Variants in PKHD1 observed in about 807,000 individuals in gnomAD.
PKHD1 encodes fibrocystin.
Under a neutral mutation model 412.0 loss-of-function variants are expected in PKHD1, and 291 were observed. The ratio of observed to expected loss-of-function variants is 0.71; its 90% CI spans 0.64 to 0.78. The LOEUF is 0.78. PKHD1 is among the 30% of genes least tolerant of loss of function. The probability of loss-of-function intolerance (pLI) is 0.00; values close to 1 mark genes in which losing one functional copy is unlikely to be tolerated. For missense variants in PKHD1, 4,825 were observed against 4,950.7 expected (o/e 0.97, Z 0.76); for synonymous variants, 1,777 against 1,821.5 (o/e 0.98, Z 0.62).
At chr6:51,827,313 T>C (rs749079124) in intron 52 of PKHD1, among the ~76,000 whole-genome samples, 5 of 152,140 alleles carry the variant, frequency 3.3e-5, no homozygotes, top group Non-Finnish European at 7.4e-5. Context: ...ATCACAGCTT[T>C]CATCTGTAAT....
chr6:52,082,288 C>T (rs1812154904), intron 4 of PKHD1, 104 bp downstream of exon 4: 1 of 1,128,974 alleles, frequency 8.9e-7, no homozygotes, highest in Non-Finnish European at 1.3e-6. Context: ...CTATGGCTGG[C>T]AATTGAATCA....
At chr6:52,066,575 A>G (rs764396995) in intron 11 of PKHD1, among the ~76,000 whole-genome samples, 19 of 152,188 alleles carry the variant, frequency 1.2e-4, no homozygotes, top group Non-Finnish European at 2.6e-4. Flanking sequence ...CTCACACCTC[A>G]TACCCAGTTC....
chr6:52,046,035 G>C lies in PKHD1; in HGVS notation c.2561C>G (p.Thr854Ser). Residue 854 changes from threonine (T) to serine (S), a missense_variant, in exon 24 of 67, where the codon ACT (threonine) becomes AGT (serine). By Grantham distance (58) the Thr-to-Ser change is moderately conservative. Coordinates refer to ENST00000371117, the MANE Select transcript of PKHD1 (RefSeq NM_138694.4). ...YEHVWTLSWS[T>S]QIGDLPNFIR... ...AAAATTGGGCAAATCCCCAATCTGA[G>C]TGGACCAGGACAAGGTCCACACGTG... is the stretch of plus-strand genomic sequence containing the variant. The C allele has an allele frequency of 6.2e-7, 1 of 1,613,588 alleles. No homozygotes were observed. Among genetic ancestry groups the C allele is most frequent in the Non-Finnish European group, 8.5e-7 (1 of 1,179,704 alleles).
chr6:52,023,510 C>A (rs1440868474), intron 32 of PKHD1, among the ~76,000 whole-genome samples: 2 of 152,006 alleles, frequency 1.3e-5, no homozygotes, highest in Non-Finnish European at 2.9e-5. Flanking sequence ...GACAATTTTC[C>A]TATTTATTGA....
At position 51,627,052 on chromosome 6, in the gene PKHD1, T is replaced by A; in HGVS notation, c.11730A>T (p.Ser3910=). The A allele has an allele frequency of 6.2e-7, 1 of 1,605,420 alleles. No individual in the cohort carries two copies. The highest frequency in any genetic ancestry group is 8.5e-7 in the Non-Finnish European group (1 of 1,172,342). ...GCCCTTGTGATTCTCGGCGTTTGGA[T>A]GAGATGTGGATATGAATATTTTGAT... is the stretch of plus-strand genomic sequence containing the variant. ...TNNQNIHIHI[S]SKRRESQGPK... Residue 3910 remains serine, a synonymous_variant, in exon 66 of 67, where the codon TCA becomes TCT. Coordinates refer to ENST00000371117, the MANE Select transcript of PKHD1 (RefSeq NM_138694.4).
chr6:51,822,430 T>C (rs1287267987), intron 52 of PKHD1, among the ~76,000 whole-genome samples: 1 of 152,202 alleles, frequency 6.6e-6, no homozygotes, highest in Admixed American at 6.6e-5. Flanking sequence ...TGCCTTCTGC[T>C]GTCCTGGTTC....
At chr6:51,906,159 T>C (rs1199649137) in intron 41 of PKHD1, 56 bp downstream of exon 41, 15 of 1,502,282 alleles carry the variant, frequency 1.0e-5, no homozygotes, top group African/African-American at 1.4e-5. Flanking sequence ...GAATTCATTG[T>C]GAAAAACTGT....
At chr6:51,956,891 C>T (rs901933466) in intron 36 of PKHD1, among the ~76,000 whole-genome samples, 1 of 151,998 alleles carries the variant, frequency 6.6e-6, no homozygotes, top group Non-Finnish European at 1.5e-5. Context: ...ACAAGGGGAT[C>T]AGAGGTTAAA....
intron 60 of PKHD1, among the ~76,000 whole-genome samples, chr6:51,673,240 T>A (rs1003727661): frequency 6.6e-6 from 1 of 152,154 alleles, no homozygotes; most frequent in Admixed American, 6.5e-5. Context: ...AATTCCCCAA[T>A]TTTTGCCTCA....
chr6:51,746,990 AAGTT>A (rs1477590232), intron 58 of PKHD1, 101 bp from the exon 59 acceptor site: 1 of 731,926 alleles, frequency 1.4e-6, no homozygotes, highest in Non-Finnish European at 2.2e-6. Flanking sequence ...TGTATACCCT[AAGTT>A]AGTTAAAGCT....
chr6:51,735,364 G>T (rs1378218164), intron 60 of PKHD1, among the ~76,000 whole-genome samples: 1 of 152,162 alleles, frequency 6.6e-6, no homozygotes, highest in Non-Finnish European at 1.5e-5. Flanking sequence ...TGTTAAGGTT[G>T]TTGTAAGGAT....
chr6:51,847,269 T>TC (rs958686803), intron 50 of PKHD1, among the ~76,000 whole-genome samples: 2 of 150,282 alleles, frequency 1.3e-5, no homozygotes, highest in Admixed American at 6.6e-5. Flanking sequence ...CATTTTTTTT[T>TC]TTTTTTTTTT....
intron 35 of PKHD1, among the ~76,000 whole-genome samples, chr6:51,994,738 T>C (rs1476087606): frequency 1.3e-5 from 2 of 152,136 alleles, no homozygotes; most frequent in Non-Finnish European, 2.9e-5. Context: ...CACGCCACTA[T>C]GCCCAGCTAC....
Position 52,087,429 on chromosome 6 carries a change from A to G in PKHD1, c.-85+5T>C, listed in dbSNP as rs949439162. ...GAGCAGAGACTTTTCTGGATCAAACAGTACCTTTTTTTTCTGTTTCTGTCT... is the reference window on the plus strand; with the variant it reads ...GAGCAGAGACTTTTCTGGATCAAACGGTACCTTTTTTTTCTGTTTCTGTCT... On this transcript the variant is annotated splice_donor_5th_base_variant and intron_variant, in intron 1 of 66. Transcript: ENST00000371117. 25 of 152,206 alleles carry G rather than the reference A, an allele frequency of 1.6e-4. No homozygotes were observed. The highest frequency in any genetic ancestry group is 5.8e-4 in the African/African-American group (24 of 41,456). The allele number at this position is 152,206 out of a possible 1,614,324, so 9.4% of individuals were successfully genotyped here.
intron 60 of PKHD1, among the ~76,000 whole-genome samples, chr6:51,726,111 G>T (rs564595444): frequency 6.6e-5 from 10 of 152,274 alleles, no homozygotes; most frequent in African/African-American, 2.4e-4. Flanking sequence ...AGCTATTTGG[G>T]TAGGTCATAG....
chr6:51,831,697 G>A (rs184076219), intron 51 of PKHD1, among the ~76,000 whole-genome samples: 20 of 152,238 alleles, frequency 1.3e-4, no homozygotes, highest in African/African-American at 4.1e-4. Context: ...CATTAAAGGC[G>A]GGGTAATAAT....
chr6:51,911,886 G>A lies in PKHD1; in HGVS notation c.6403C>T (p.Leu2135Phe), dbSNP rs1038819801. ...HHILKATVALLSRSITIQGNL... is the reference protein window; with the variant it reads ...HHILKATVALFSRSITIQGNL... ...CCTTGTATGGTAATACTCCTGCTGA[G>A]CAGAGCCACAGTGGCCTTTAAAATA... The change falls in exon 39 of 67, where the codon CTC becomes TTC. Residue 2135 changes from leucine to phenylalanine, a missense_variant. Physicochemically the swap from Leu to Phe is conservative, Grantham distance 22 (BLOSUM62 0). Coordinates refer to ENST00000371117, the MANE Select transcript of PKHD1 (RefSeq NM_138694.4). 1.2e-6 allele frequency: 2 copies of A among 1,611,458 alleles called. No individual in the cohort carries two copies. The highest frequency in any genetic ancestry group is 1.3e-5 in the African/African-American group (1 of 74,812).
At chr6:51,936,844 T>C (rs1418392626) in intron 36 of PKHD1, among the ~76,000 whole-genome samples, 1 of 152,072 alleles carries the variant, frequency 6.6e-6, no homozygotes, top group African/African-American at 2.4e-5. Context: ...CAGCACCACA[T>C]GACAGATAGC....
chr6:51,847,434 A>T, intron 50 of PKHD1, among the ~76,000 whole-genome samples: 1 of 152,216 alleles, frequency 6.6e-6, no homozygotes, highest in East Asian at 1.9e-4. Context: ...ACTAACTACC[A>T]ATGTCTAGTA....
Sources: allele counts gnomAD v4.1 joint callset (sites outside exome capture counted in the v4.1 genomes callset), GRCh38; gene constraint gnomAD v4.1.1; transcripts MANE v1.5; gene names NCBI Gene and HGNC (gene_info 2026-07-23, HGNC 2026-07-21).